The following LRP1B variants were observed in gnomAD, a reference collection of about 807,000 sequenced individuals.
LRP1B encodes the protein low-density lipoprotein receptor-related protein 1B.
LRP1B carries 217 observed loss-of-function variants against 556.6 expected under a neutral mutation model. That is an observed-to-expected ratio of 0.39 (90% confidence interval 0.35 to 0.44). The LOEUF is 0.44. LRP1B is among the 20% of genes least tolerant of loss of function. LRP1B has a pLI of 1.00. For missense variants in LRP1B, 5,053 were observed against 5,620.8 expected, an observed-to-expected ratio of 0.90 and a Z score of 3.23; for synonymous variants, 2,047 against 1,865.8, an observed-to-expected ratio of 1.10 and a Z score of -2.50.
At position 141,225,416 on chromosome 2, in the gene LRP1B, C is replaced by A. The variant is rs1254294942; in HGVS notation, c.850+3767G>T. Among the ~76,000 whole-genome samples, 3 of 152,084 alleles carry A rather than the reference C, an allele frequency of 2.0e-5. No individual in the cohort carries two copies. The East Asian group carries it at 5.8e-4, about 29-fold the overall frequency. ...TATTCTTATCTCAATCATCTCTATG[C>A]ACTTTGTCCCGAGGAAACAGATGGA... On this transcript the variant is annotated intron_variant, in intron 6 of 90. Coordinates refer to ENST00000389484, the MANE Select transcript of LRP1B (RefSeq NM_018557.3).
chr2:141,773,684 G>C (rs1020839091), intron 2 of LRP1B, among the ~76,000 whole-genome samples: 3 of 151,802 alleles, frequency 2.0e-5, no homozygotes, highest in East Asian at 1.9e-4. Context: ...ATCAGCCAGA[G>C]AGTGTTTAAT....
In LRP1B at chr2:141,848,569, A is replaced by G. The variant is rs145573610; in HGVS notation, c.83-38168T>C. Among the ~76,000 whole-genome samples, 124 of 151,722 alleles carry G rather than the reference A, an allele frequency of 8.2e-4. 1 individual carries two copies. The highest frequency in any genetic ancestry group is 2.8e-3 in the African/African-American group (117 of 41,504). On this transcript the variant is annotated intron_variant, in intron 1 of 90. Transcript: ENST00000389484. ...AGCCAAAACTATACATCTTAAAAAT[A>G]AAATACAGAATGAAAAATATAAGAA...
intron 2 of LRP1B, among the ~76,000 whole-genome samples, chr2:141,788,098 A>C (rs552995134): frequency 6.6e-6 from 1 of 151,972 alleles, no homozygotes; most frequent in East Asian, 1.9e-4. Flanking sequence ...TTAGACAAAC[A>C]CTCTTCAGTA....
chr2:140,846,278 C>G (rs1692271132), intron 29 of LRP1B, among the ~76,000 whole-genome samples: 1 of 152,110 alleles, frequency 6.6e-6, no homozygotes, highest in Non-Finnish European at 1.5e-5. Flanking sequence ...CAGCAAATAG[C>G]TCATGTGAGC....
chr2:141,723,315 T>C (rs1017035176), intron 2 of LRP1B, among the ~76,000 whole-genome samples: 1 of 150,518 alleles, frequency 6.6e-6, no homozygotes, highest in Non-Finnish European at 1.5e-5. Context: ...TTTATTGAGG[T>C]ATTTATATCT....
intron 3 of LRP1B, among the ~76,000 whole-genome samples, chr2:141,350,115 T>C (rs1361119666): frequency 2.0e-5 from 3 of 152,004 alleles, no homozygotes; most frequent in South Asian, 2.1e-4. Flanking sequence ...AAGAGCAGCA[T>C]AGGGAAGACT....
At chr2:142,118,111 G>A (rs1425523346) in intron 1 of LRP1B, among the ~76,000 whole-genome samples, 1 of 152,062 alleles carries the variant, frequency 6.6e-6, no homozygotes, top group Non-Finnish European at 1.5e-5. Flanking sequence ...AAAAGGGCAG[G>A]ATTCCTACTT....
intron 18 of LRP1B, among the ~76,000 whole-genome samples, chr2:140,968,008 T>TTTTTTTTTTTC (rs1553438793): frequency 5.5e-5 from 1 of 18,036 alleles, no homozygotes. Context: ...TTCTCTTTTT[T>TTTTTTTTTTTC]TGCCAGGCTT....
chr2:140,677,956 C>T (rs1034124769), intron 41 of LRP1B, among the ~76,000 whole-genome samples: 1 of 151,210 alleles, frequency 6.6e-6, no homozygotes, highest in Non-Finnish European at 1.5e-5. Context: ...GTTCTATGCA[C>T]TTGCTATGTT....
chr2:141,664,463 C>T (rs1337494909), intron 2 of LRP1B, among the ~76,000 whole-genome samples: 1 of 152,154 alleles, frequency 6.6e-6, no homozygotes, highest in African/African-American at 2.4e-5. Flanking sequence ...AAAATCCCAT[C>T]ATCTCAGTCC....
chr2:140,590,275 T>G (rs1682163855), intron 43 of LRP1B, among the ~76,000 whole-genome samples: 1 of 148,092 alleles, frequency 6.8e-6, no homozygotes, highest in African/African-American at 2.4e-5. Flanking sequence ...TATATATGTA[T>G]ATATATCTAT....
chr2:141,888,861 A>C (rs998203285), intron 1 of LRP1B, among the ~76,000 whole-genome samples: 3 of 152,156 alleles, frequency 2.0e-5, no homozygotes, highest in Admixed American at 6.5e-5. Flanking sequence ...CTTCAATTCC[A>C]CTTTCGTATA....
intron 25 of LRP1B, among the ~76,000 whole-genome samples, chr2:140,869,040 C>T (rs1693042097): frequency 6.6e-6 from 1 of 152,020 alleles, no homozygotes; most frequent in Non-Finnish European, 1.5e-5. Context: ...GTCTTACCCA[C>T]TCTCTCTTAA....
intron 1 of LRP1B, among the ~76,000 whole-genome samples, chr2:142,055,141 C>T (rs1186325849): frequency 1.3e-5 from 2 of 151,860 alleles, no homozygotes; most frequent in Non-Finnish European, 2.9e-5. Flanking sequence ...CATTATGGAG[C>T]TAAGGGTCTA....
At chr2:141,084,701 G>C (rs552849899) in intron 7 of LRP1B, among the ~76,000 whole-genome samples, 1 of 149,768 alleles carries the variant, frequency 6.7e-6, no homozygotes, top group South Asian at 2.1e-4. Context: ...CCAGACTGGA[G>C]TGCAGTGGTG....
intron 1 of LRP1B, among the ~76,000 whole-genome samples, chr2:141,827,198 T>C (rs747452016): frequency 6.6e-6 from 1 of 152,258 alleles, no homozygotes; most frequent in Non-Finnish European, 1.5e-5. Flanking sequence ...CAGCTACATA[T>C]GCAATTTCAT....
intron 41 of LRP1B, among the ~76,000 whole-genome samples, chr2:140,632,206 T>C (rs935375508): frequency 6.6e-6 from 1 of 152,118 alleles, no homozygotes; most frequent in African/African-American, 2.4e-5. Flanking sequence ...TATATAAAGA[T>C]AGTAAAAGTG....
At chr2:140,761,955 A>G (rs1559103030) in intron 35 of LRP1B, among the ~76,000 whole-genome samples, 1 of 147,976 alleles carries the variant, frequency 6.8e-6, no homozygotes, top group Admixed American at 6.8e-5. Context: ...ATTCTATGAC[A>G]ATCATAATGA....
Position 141,428,573 on chromosome 2 carries a change from C to T in LRP1B, c.343+51823G>A, listed in dbSNP as rs112754050. ...ATAATGTCATCTGCTTCCATCTGTC[C>T]TAACACCTCTTCAATTGTCTAATAT... is the stretch of plus-strand genomic sequence containing the variant. On this transcript the variant is annotated intron_variant, in intron 3 of 90. Transcript: ENST00000389484. 4.4e-3 allele frequency among the ~76,000 whole-genome samples: 675 copies of T among 152,264 alleles called. 4 individuals are homozygous for T. Among genetic ancestry groups the T allele is most frequent in the African/African-American group, 0.015 (631 of 41,566 alleles).
Sources: allele counts gnomAD v4.1 joint callset (sites outside exome capture counted in the v4.1 genomes callset), GRCh38; gene constraint gnomAD v4.1.1; transcripts MANE v1.5; gene names NCBI Gene and HGNC (gene_info 2026-07-23, HGNC 2026-07-21).